The following CDX2 variants were observed in gnomAD, a reference collection of about 807,000 sequenced individuals.
The protein encoded by CDX2 is homeobox protein CDX-2.
Under a neutral mutation model 25.5 loss-of-function variants are expected in CDX2, and 7 were observed. That is an observed-to-expected ratio of 0.27 (90% confidence interval 0.16 to 0.52). The LOEUF (loss-of-function observed/expected upper bound fraction) is 0.52. Ranked by LOEUF, CDX2 falls within the 20% of genes least tolerant of loss-of-function variation. The probability of loss-of-function intolerance (pLI) is 0.97; values close to 1 mark genes in which losing one functional copy is unlikely to be tolerated. For missense variants in CDX2, 375 were observed against 431.4 expected (o/e 0.87, Z 1.16); for synonymous variants, 222 against 198.6 (o/e 1.12, Z -0.99).
At position 27,963,041 on chromosome 13, in the gene CDX2, C is replaced by T. The variant is rs1157472237; in HGVS notation, c.*74G>A. 2.0e-6 allele frequency: 3 copies of T among 1,519,522 alleles called. No individual in the cohort carries two copies. The highest frequency in any genetic ancestry group is 2.8e-5 in the African/African-American group (2 of 72,662). The allele number at this position is 1,519,522 out of a possible 1,614,324, so 94.1% of individuals were successfully genotyped here. ...GTGGGTGGGAGGGGAGGGGTCTCTC[C>T]TGAGGAGTCTAGCAGAGTCCACGCT... On this transcript the variant is annotated 3_prime_UTR_variant, in exon 3 of 3. Coordinates refer to ENST00000381020, the MANE Select transcript of CDX2 (RefSeq NM_001265.6).
In CDX2 at chr13:27,964,858, G is replaced by T. The variant is rs765166922; in HGVS notation, c.687+12C>A. On this transcript the variant is annotated intron_variant, in intron 2 of 2. Transcript: ENST00000381020. The surrounding 1 kb of genome is among the most constrained non-coding windows in gnomAD (Gnocchi z 4.7). ...GCAGTGGCCCGCCCGGAGGGAGCTAGGCGGTCCCCACCTGCCTCTCAGAGA... is the reference window on the plus strand; with the variant it reads ...GCAGTGGCCCGCCCGGAGGGAGCTATGCGGTCCCCACCTGCCTCTCAGAGA... 6.2e-7 allele frequency: 1 copy of T among 1,613,342 alleles called. No homozygotes were observed. Among genetic ancestry groups the T allele is most frequent in the East Asian group, 2.2e-5 (1 of 44,888 alleles).
At chr13:27,967,731 C>T (rs1036497174) in intron 1 of CDX2, among the ~76,000 whole-genome samples, 1 of 152,218 alleles carries the variant, frequency 6.6e-6, no homozygotes, top group African/African-American at 2.4e-5. Flanking sequence ...GGGTTTCCTC[C>T]CCGTCTCCCT....
At chr13:27,968,397 C>A in intron 1 of CDX2, 69 bp downstream of exon 1, 1 of 1,389,830 alleles carries the variant, frequency 7.2e-7, no homozygotes, top group Non-Finnish European at 9.3e-7. Context: ...GGACGCGCGA[C>A]GCGCAGCAGC....
intron 1 of CDX2, among the ~76,000 whole-genome samples, chr13:27,966,611 C>T (rs1426488615): frequency 6.6e-6 from 1 of 152,128 alleles, no homozygotes; most frequent in Non-Finnish European, 1.5e-5. Context: ...CGGGTGCTGC[C>T]CCTTCAGTGT....
rs1869444275 is a variant in CDX2, at chr13:27,968,451, G to T, written c.541+15C>A. 3 of 1,516,410 alleles carry T rather than the reference G, an allele frequency of 2.0e-6. No homozygotes were observed. The highest frequency in any genetic ancestry group is 2.9e-5 in the African/African-American group (2 of 69,032). 93.9% of individuals were successfully genotyped at this position (1,516,410 alleles called of 1,614,324 possible). A position where few individuals can be genotyped will look rare whatever the true frequency, so the allele number is the denominator to read the frequency against. On this transcript the variant is annotated intron_variant, in intron 1 of 2. Transcript: ENST00000381020. ...CTTCCCAAGCACCCTCCGAAGGGGC[G>T]CAGCCTCTGCTTACCTTGGCTGCCG...
At position 27,968,530 on chromosome 13, in the gene CDX2, G is replaced by C; in HGVS notation, c.477C>G (p.Gly159=). 1 of 1,563,704 alleles carries C rather than the reference G, an allele frequency of 6.4e-7. No individual in the cohort carries two copies. The highest frequency in any genetic ancestry group is 8.6e-7 in the Non-Finnish European group (1 of 1,165,904). The change falls in exon 1 of 3, where the codon GGC becomes GGG. Residue 159 remains glycine (G), a synonymous_variant. Coordinates refer to ENST00000381020, the MANE Select transcript of CDX2 (RefSeq NM_001265.6). ...ACTCGCACAGGTTCCGCCGCTGGCCGCCGGGAGACAGCTGCTCGGCGGCAG... is the reference window on the plus strand; with the variant it reads ...ACTCGCACAGGTTCCGCCGCTGGCCCCCGGGAGACAGCTGCTCGGCGGCAG... The part of the protein sequence containing the change: ...ATAAAEQLSP[G]GQRRNLCEWM...
chr13:27,968,355 C>A, intron 1 of CDX2, 111 bp downstream of exon 1: 1 of 1,292,392 alleles, frequency 7.7e-7, no homozygotes, highest in Non-Finnish European at 9.9e-7. Flanking sequence ...GCGCCGAGCT[C>A]CCAGACAGCC....
In CDX2 at chr13:27,961,608, A is replaced by G. The variant is rs946023387; in HGVS notation, c.*1507T>C. Among the ~76,000 whole-genome samples the G allele has an allele frequency of 2.0e-5, 3 of 152,176 alleles. No homozygotes were observed. Among genetic ancestry groups the G allele is most frequent in the Non-Finnish European group, 4.4e-5 (3 of 68,046 alleles). ...ACTGCAAAGACAGAGAAGAGAGTGG[A>G]GGCAGAAAGGGCTCACGGAAATGCC... On this transcript the variant is annotated 3_prime_UTR_variant, in exon 3 of 3. Coordinates refer to ENST00000381020, the MANE Select transcript of CDX2 (RefSeq NM_001265.6).
rs569384415 is a variant in CDX2, at chr13:27,964,413, G to T, written c.687+457C>A. On this transcript the variant is annotated intron_variant, in intron 2 of 2. Transcript: ENST00000381020. The surrounding 1 kb of genome is among the most constrained non-coding windows in gnomAD (Gnocchi z 4.7). ...AAACTGCGTTTCGACGGTGGCGGGT[G>T]GGGGGGCATGTACTCCAGGCCAGGC... Among the ~76,000 whole-genome samples the T allele has an allele frequency of 6.6e-6, 1 of 151,146 alleles. No homozygotes were observed. The highest frequency in any genetic ancestry group is 2.4e-5 in the African/African-American group (1 of 41,034).
In CDX2 at chr13:27,961,742, G is replaced by A. The variant is rs574464336; in HGVS notation, c.*1373C>T. ...CGTTTAACTAGCTGGGTTGTGGGGC[G>A]TCCTTAGGAGGGAGTCACTGCAGAA... On this transcript the variant is annotated 3_prime_UTR_variant, in exon 3 of 3. Transcript: ENST00000381020. 9.4e-4 allele frequency among the ~76,000 whole-genome samples: 143 copies of A among 152,184 alleles called. No homozygotes were observed. The highest frequency in any genetic ancestry group is 3.4e-3 in the Middle Eastern group (1 of 294).
At position 27,961,625 on chromosome 13, in the gene CDX2, G is replaced by A. The variant is rs1467281554; in HGVS notation, c.*1490C>T. 6.6e-6 allele frequency among the ~76,000 whole-genome samples: 1 copy of A among 152,150 alleles called. No homozygotes were observed. Among genetic ancestry groups the A allele is most frequent in the African/African-American group, 2.4e-5 (1 of 41,442 alleles). ...GAGAGTGGAGGCAGAAAGGGCTCAC[G>A]GAAATGCCCAGTGATTTACAGAAGA... On this transcript the variant is annotated 3_prime_UTR_variant, in exon 3 of 3. Transcript: ENST00000381020.
At chr13:27,965,128 G>T in intron 1 of CDX2, 113 bp from the exon 2 acceptor site, 2 of 1,207,182 alleles carry the variant, frequency 1.7e-6, no homozygotes, top group Non-Finnish European at 2.3e-6. Context: ...ACCCTGGGGG[G>T]CCCGGGTTTG....
At chr13:27,967,998 C>T (rs1317330371) in intron 1 of CDX2, among the ~76,000 whole-genome samples, 1 of 152,224 alleles carries the variant, frequency 6.6e-6, no homozygotes, top group Non-Finnish European at 1.5e-5. Flanking sequence ...GGTCACTTCT[C>T]TTCTTAGATG....
At position 27,962,952 on chromosome 13, in the gene CDX2, TC is replaced by T. The variant is rs985191891; in HGVS notation, c.*162del. ...AGAGTATATTTCTTGAGGCCCCAAA[TC>T]CCACTTGTCTTACTCCTGGCTCCCA... On this transcript the variant is annotated 3_prime_UTR_variant, in exon 3 of 3. Transcript: ENST00000381020. 6 of 842,152 alleles carry T rather than the reference TC, an allele frequency of 7.1e-6. No individual in the cohort carries two copies. In the Admixed American group the frequency reaches 1.3e-4, roughly 18 times the overall value. 52.2% of individuals were successfully genotyped at this position (842,152 alleles called of 1,614,324 possible).
intron 1 of CDX2, among the ~76,000 whole-genome samples, chr13:27,966,922 C>G (rs1869357875): frequency 6.6e-6 from 1 of 151,748 alleles, no homozygotes; most frequent in Admixed American, 6.6e-5. Context: ...CTCCGGCCCG[C>G]GGGCTGCGGC....
Position 27,968,600 on chromosome 13 carries a change from A to T in CDX2, c.407T>A (p.Leu136Gln). ...PAAAPSCASG[L>Q]LQTLNPGPPG... Reference sequence around the variant, plus strand: ...AGGGCCGGGGTTGAGCGTTTGCAGCAGCCCAGAAGCGCAGGAAGGCGCGGC... The same window carrying T: ...AGGGCCGGGGTTGAGCGTTTGCAGCTGCCCAGAAGCGCAGGAAGGCGCGGC... The change falls in exon 1 of 3, where the codon CTG becomes CAG. Residue 136 changes from leucine (L) to glutamine (Q), a missense_variant. This residue lies in a region of CDX2 where 253 missense variants were observed against 247.5 expected (regional missense o/e 1.02). Coordinates refer to ENST00000381020, the MANE Select transcript of CDX2 (RefSeq NM_001265.6). 6.4e-7 allele frequency: 1 copy of T among 1,563,752 alleles called. No homozygotes were observed. The highest frequency in any genetic ancestry group is 8.6e-7 in the Non-Finnish European group (1 of 1,163,300).
chr13:27,964,794 C>G lies in CDX2; in HGVS notation c.687+76G>C. ...GTCTCTCCACAGATTTAGATGGCCC[C>G]TGCAGCCAGATTTTCTAACTCTCAT... On this transcript the variant is annotated intron_variant, in intron 2 of 2. Coordinates refer to ENST00000381020, the MANE Select transcript of CDX2 (RefSeq NM_001265.6). This position sits in a 1 kb window ranked among gnomAD's most constrained non-coding sequence, Gnocchi z 4.7. 7 of 1,457,426 alleles carry G rather than the reference C, an allele frequency of 4.8e-6. No individual in the cohort carries two copies. Among genetic ancestry groups the G allele is most frequent in the Non-Finnish European group, 6.7e-6 (7 of 1,049,764 alleles). 90.3% of individuals were successfully genotyped at this position (1,457,426 alleles called of 1,614,324 possible).
chr13:27,966,073 G>A (rs1869305848), intron 1 of CDX2, among the ~76,000 whole-genome samples: 1 of 152,216 alleles, frequency 6.6e-6, no homozygotes, highest in South Asian at 2.1e-4. Context: ...GAAGATACAG[G>A]CCTGATCAGA....
rs145287912 is a variant in CDX2, at chr13:27,968,665, A to G, written c.342T>C (p.His114=). The G allele has an allele frequency of 3.4e-5, 52 of 1,533,274 alleles. No individual in the cohort carries two copies. The Admixed American group carries it at 3.8e-4, about 11-fold the overall frequency. The allele number at this position is 1,533,274 out of a possible 1,614,324, so 95.0% of individuals were successfully genotyped here. Residue 114 remains histidine, a synonymous_variant, in exon 1 of 3, where the codon CAT becomes CAC. Transcript: ENST00000381020. ...AMGYSSPADY[H]PHHHPHHHPH... is the part of the protein sequence containing the mutation. ...GGTGGTGATGCGGGTGGTGGTGCGG[A>G]TGGTAGTCTGCGGGGCTGCTGTAGC... is the stretch of plus-strand genomic sequence containing the variant.
Sources: allele counts gnomAD v4.1 joint callset (sites outside exome capture counted in the v4.1 genomes callset), GRCh38; gene constraint gnomAD v4.1.1; regional missense constraint gnomAD v4.1.1; non-coding constraint Gnocchi (gnomAD v3.1); transcripts MANE v1.5; gene names NCBI Gene and HGNC (gene_info 2026-07-23, HGNC 2026-07-21).